The following GTF2F2 variants were observed in gnomAD, a reference collection of about 807,000 sequenced individuals.
GTF2F2 encodes general transcription factor IIF subunit 2, also known as ATP-dependent helicase GTF2F2.
Under a neutral mutation model 42.2 loss-of-function variants are expected in GTF2F2, and 23 were observed. The observed-to-expected ratio is 0.55, with a 90% CI of 0.39 to 0.77. The LOEUF is 0.77. GTF2F2 is among the 30% of genes least tolerant of loss of function. GTF2F2 has a pLI of 0.00. For missense variants in GTF2F2, 261 were observed against 287.2 expected, an observed-to-expected ratio of 0.91 and a Z score of 0.66; for synonymous variants, 105 against 100.8, an observed-to-expected ratio of 1.04 and a Z score of -0.25.
At chr13:45,162,068 A>T (rs1479684707) in intron 4 of GTF2F2, among the ~76,000 whole-genome samples, 1 of 152,080 alleles carries the variant, frequency 6.6e-6, no homozygotes, top group East Asian at 1.9e-4. Context: ...GGGACTTTTA[A>T]AAAATCTTCA....
rs1593535947 is a variant in GTF2F2 at position 45,284,042 on chromosome 13, A to G, written c.*481A>G. The G allele has an allele frequency of 6.6e-6, 1 of 152,230 alleles. No homozygotes were observed. Among genetic ancestry groups the G allele is most frequent in the African/African-American group, 2.4e-5 (1 of 41,462 alleles). The allele number at this position is 152,230 out of a possible 1,614,324, so 9.4% of individuals were successfully genotyped here. On this transcript the variant is annotated 3_prime_UTR_variant, in exon 8 of 8. Transcript: ENST00000340473. ...AAGAACAAAGCGGTGTTTTTCTTTTAAACAGGTGATCACGTTTCGTGTTCA... is the reference window on the plus strand; with the variant it reads ...AAGAACAAAGCGGTGTTTTTCTTTTGAACAGGTGATCACGTTTCGTGTTCA...
intron 4 of GTF2F2, among the ~76,000 whole-genome samples, chr13:45,191,224 A>AAT (rs1165963910): frequency 0.11 from 8,327 of 75,186 alleles, 555 homozygotes; most frequent in South Asian, 0.13. Flanking sequence ...ACAAAAAAAA[A>AAT]ATATATATAT....
rs1174595332 is a variant in GTF2F2, at chr13:45,283,952, AAC to A, written c.*393_*394del. 3.9e-5 allele frequency: 6 copies of A among 152,376 alleles called. No individual in the cohort carries two copies. The highest frequency in any genetic ancestry group is 7.2e-5 in the African/African-American group (3 of 41,472). 9.4% of individuals were successfully genotyped at this position (152,376 alleles called of 1,614,324 possible). ...AAGGAGAATTGTATAGCAAGAAAAA[AAC>A]AGTCAACTACAGAAACTCTTAAAAG... On this transcript the variant is annotated 3_prime_UTR_variant, in exon 8 of 8. Transcript: ENST00000340473.
chr13:45,220,260 A>G (rs549260729), intron 5 of GTF2F2, among the ~76,000 whole-genome samples: 9 of 152,280 alleles, frequency 5.9e-5, no homozygotes, highest in Admixed American at 1.3e-4. Flanking sequence ...TTACTTCCCT[A>G]TATTTCATAG....
intron 4 of GTF2F2, among the ~76,000 whole-genome samples, chr13:45,173,827 C>A (rs533599340): frequency 2.6e-5 from 4 of 151,894 alleles, no homozygotes; most frequent in Non-Finnish European, 5.9e-5. Flanking sequence ...CGGTGTTAGC[C>A]AGGATGGTCT....
chr13:45,131,798 G>C (rs1252034228), intron 1 of GTF2F2, among the ~76,000 whole-genome samples: 1 of 151,494 alleles, frequency 6.6e-6, no homozygotes, highest in Admixed American at 6.6e-5. Flanking sequence ...TCAGCTACTT[G>C]GGAGGCTGAG....
intron 4 of GTF2F2, chr13:45,193,807 G>T (rs201765984): frequency 3.8e-6 from 6 of 1,597,594 alleles, no homozygotes; most frequent in Non-Finnish European, 5.1e-6. Context: ...AAAATGAAGT[G>T]CATCGCTGTG....
intron 4 of GTF2F2, among the ~76,000 whole-genome samples, chr13:45,168,725 A>G (rs1302608233): frequency 2.6e-5 from 4 of 151,502 alleles, no homozygotes; most frequent in Non-Finnish European, 5.9e-5. Context: ...TGATTTCCCC[A>G]CCTCAGCCTC....
At chr13:45,165,411 C>A (rs1490083074) in intron 4 of GTF2F2, among the ~76,000 whole-genome samples, 4 of 148,302 alleles carry the variant, frequency 2.7e-5, no homozygotes, top group African/African-American at 1.0e-4. Context: ...TAATTTAATT[C>A]TTTAAGTTCA....
rs781018470 is a variant in GTF2F2, at chr13:45,267,229, A to G, written c.487-4A>G. Reference sequence around the variant, plus strand: ...CTTTTATTTCCTTTGCTGTTTGCATATAGATCGAATATGAAAGGAAAAAGA... The same window carrying G: ...CTTTTATTTCCTTTGCTGTTTGCATGTAGATCGAATATGAAAGGAAAAAGA... On this transcript the variant is annotated splice_region_variant and splice_polypyrimidine_tract_variant and intron_variant, in intron 6 of 7. Transcript: ENST00000340473. 1.7e-5 allele frequency: 28 copies of G among 1,609,862 alleles called. No individual in the cohort carries two copies. The Admixed American group carries it at 2.3e-4, about 13-fold the overall frequency.
chr13:45,193,751 G>T, intron 4 of GTF2F2: 1 of 1,532,572 alleles, frequency 6.5e-7, no homozygotes, highest in South Asian at 1.3e-5. Context: ...AAGCTTGCTG[G>T]CTGCATGCTT....
Position 45,143,405 on chromosome 13 carries a change from T to C in GTF2F2, c.141-6365T>C, listed in dbSNP as rs1180471988. ...AGTCCTTACCCTATCACTTACTAGCTATGTGACTTTGCGTAAATTGTTTAC... is the reference window on the plus strand; with the variant it reads ...AGTCCTTACCCTATCACTTACTAGCCATGTGACTTTGCGTAAATTGTTTAC... On this transcript the variant is annotated intron_variant, in intron 2 of 7. Transcript: ENST00000340473. 1.3e-5 allele frequency among the ~76,000 whole-genome samples: 2 copies of C among 152,234 alleles called. 1 individual carries two copies. Among genetic ancestry groups the C allele is most frequent in the South Asian group, 4.1e-4 (2 of 4,834 alleles).
intron 4 of GTF2F2, among the ~76,000 whole-genome samples, chr13:45,157,928 A>G (rs1157399290): frequency 6.6e-6 from 1 of 152,144 alleles, no homozygotes; most frequent in South Asian, 2.1e-4. Flanking sequence ...AGAAAATCAA[A>G]TTTCATTTAT....
chr13:45,195,225 A>G (rs1022822562), intron 4 of GTF2F2, among the ~76,000 whole-genome samples: 16 of 152,274 alleles, frequency 1.1e-4, no homozygotes, highest in Admixed American at 4.6e-4. Context: ...TTGGAGATCT[A>G]TGTTAAAGGA....
rs1349792903 is a variant in GTF2F2, at chr13:45,227,414, T to G, written c.386+19909T>G. Among the ~76,000 whole-genome samples the G allele has an allele frequency of 2.0e-5, 3 of 152,346 alleles. No individual in the cohort carries two copies. The East Asian group carries it at 5.8e-4, about 29-fold the overall frequency. On this transcript the variant is annotated intron_variant, in intron 5 of 7. Transcript: ENST00000340473. Reference sequence around the variant, plus strand: ...GAGCAAAATTCAGCATTGAAGAACCTAGGTTATAAGGCTGGACAGTTTTTC... The same window carrying G: ...GAGCAAAATTCAGCATTGAAGAACCGAGGTTATAAGGCTGGACAGTTTTTC...
intron 4 of GTF2F2, among the ~76,000 whole-genome samples, chr13:45,159,138 C>T (rs1425313613): frequency 6.6e-6 from 1 of 152,194 alleles, no homozygotes. Flanking sequence ...ACATATTCCC[C>T]AGATAAAGTA....
At chr13:45,274,173 A>C (rs1876922159) in intron 7 of GTF2F2, among the ~76,000 whole-genome samples, 1 of 152,150 alleles carries the variant, frequency 6.6e-6, no homozygotes, top group Non-Finnish European at 1.5e-5. Flanking sequence ...ATTATACATT[A>C]ACATGCAGAG....
chr13:45,137,510 T>C (rs1437053588), intron 2 of GTF2F2, among the ~76,000 whole-genome samples: 1 of 152,256 alleles, frequency 6.6e-6, no homozygotes, highest in Non-Finnish European at 1.5e-5. Context: ...TTTTATTTGC[T>C]GATAATTCTA....
chr13:45,231,576 A>G (rs1874685630), intron 5 of GTF2F2, among the ~76,000 whole-genome samples: 1 of 152,148 alleles, frequency 6.6e-6, no homozygotes, highest in Non-Finnish European at 1.5e-5. Flanking sequence ...GCAGTCCTAA[A>G]TGATACTCCC....
Sources: allele counts gnomAD v4.1 joint callset (sites outside exome capture counted in the v4.1 genomes callset), GRCh38; gene constraint gnomAD v4.1.1; transcripts MANE v1.5; gene names NCBI Gene and HGNC (gene_info 2026-07-23, HGNC 2026-07-21).